The following FRMD4B variants were observed in gnomAD, a reference collection of about 807,000 sequenced individuals.
The protein encoded by FRMD4B is FERM domain containing 4B.
In FRMD4B, 74 loss-of-function variants were observed where a neutral mutation model predicts 141.5. The ratio of observed to expected loss-of-function variants is 0.52; its 90% CI spans 0.43 to 0.63. FRMD4B has a LOEUF of 0.63. FRMD4B is among the 30% of genes least tolerant of loss of function. The pLI, the probability that FRMD4B is intolerant of heterozygous loss-of-function variation, is 0.00. For missense variants in FRMD4B, 1,366 were observed against 1,253.4 expected, an observed-to-expected ratio of 1.09 and a Z score of -1.36; for synonymous variants, 506 against 467.9, an observed-to-expected ratio of 1.08 and a Z score of -1.05.
At chr3:69,325,364 T>C (rs934100395) in intron 1 of FRMD4B, among the ~76,000 whole-genome samples, 7 of 152,230 alleles carry the variant, frequency 4.6e-5, no homozygotes, top group African/African-American at 1.4e-4. Context: ...AGACATTCCC[T>C]GGGGAGGGCA....
intron 2 of FRMD4B, among the ~76,000 whole-genome samples, chr3:69,401,400 G>A (rs1704561462): frequency 6.6e-6 from 1 of 152,166 alleles, no homozygotes; most frequent in Non-Finnish European, 1.5e-5. Flanking sequence ...AAAGATTCCT[G>A]AAGTTTTTTT....
chr3:69,505,177 C>A (rs1706575816), intron 1 of FRMD4B, among the ~76,000 whole-genome samples: 2 of 151,668 alleles, frequency 1.3e-5, no homozygotes, highest in South Asian at 4.2e-4. Context: ...AGAGACCAGC[C>A]TGGGCAAGAT....
At chr3:69,479,852 C>A (rs1021802059) in intron 1 of FRMD4B, among the ~76,000 whole-genome samples, 10 of 152,160 alleles carry the variant, frequency 6.6e-5, no homozygotes, top group Admixed American at 5.2e-4. Context: ...AGCAATCTGA[C>A]GTAGATTTGG....
intron 3 of FRMD4B, among the ~76,000 whole-genome samples, chr3:69,308,450 T>C (rs1034011068): frequency 2.0e-5 from 3 of 151,472 alleles, no homozygotes; most frequent in African/African-American, 7.3e-5. Context: ...TTTTTTTTTT[T>C]TGTTTGGGAC....
chr3:69,272,685 A>G (rs917238532), intron 5 of FRMD4B, among the ~76,000 whole-genome samples: 1 of 152,220 alleles, frequency 6.6e-6, no homozygotes, highest in African/African-American at 2.4e-5. Flanking sequence ...TCTTGGTACG[A>G]CTAAAATTGT....
Position 69,329,351 on chromosome 3 carries a change from T to C in FRMD4B, c.163-15834A>G, listed in dbSNP as rs755805666. Among the ~76,000 whole-genome samples, 30 of 151,954 alleles carry C rather than the reference T, an allele frequency of 2.0e-4. 1 individual carries two copies. The highest frequency in any genetic ancestry group is 1.0e-4 in the Non-Finnish European group (7 of 67,992). ...TGACTATTATAATTTATTTCTTTAT[T>C]TTTATTTTTATGTTTTGAGACAGAG... On this transcript the variant is annotated intron_variant, in intron 1 of 22. Coordinates refer to ENST00000398540, the MANE Select transcript of FRMD4B (RefSeq NM_015123.3).
In FRMD4B at chr3:69,181,175, C is replaced by A; in HGVS notation, c.2575G>T (p.Glu859Ter). 6.2e-7 allele frequency: 1 copy of A among 1,613,998 alleles called. No individual in the cohort carries two copies. Among genetic ancestry groups the A allele is most frequent in the East Asian group, 2.2e-5 (1 of 44,882 alleles). ...TGGGGTACCCGGTCGACCTCATCTTCGTGAAAGGATCTGCTGTAGTCCCTC... is the reference window on the plus strand; with the variant it reads ...TGGGGTACCCGGTCGACCTCATCTTAGTGAAAGGATCTGCTGTAGTCCCTC... Reference protein sequence around the residue: ...RQRDYSRSFHEDEVDRVPHNP... With the variant: ...RQRDYSRSFH Residue 859 changes from glutamate (E) to a stop codon, truncating the protein, a stop_gained, in exon 21 of 23, where the codon GAA becomes TAA. Coordinates refer to ENST00000398540, the MANE Select transcript of FRMD4B (RefSeq NM_015123.3). LOFTEE classifies it high-confidence loss of function.
chr3:69,370,819 C>A (rs1369992780), intron 1 of FRMD4B, among the ~76,000 whole-genome samples: 1 of 152,190 alleles, frequency 6.6e-6, no homozygotes, highest in South Asian at 2.1e-4. Flanking sequence ...GCCTCCTGAC[C>A]GCTCTTATGC....
At chr3:69,414,618 C>T (rs974470283) in intron 2 of FRMD4B, among the ~76,000 whole-genome samples, 8 of 151,872 alleles carry the variant, frequency 5.3e-5, no homozygotes, top group African/African-American at 1.5e-4. Context: ...CTGTTTATTG[C>T]TCCAGGTGAG....
At chr3:69,173,772 C>T (rs1381406529) in intron 22 of FRMD4B, among the ~76,000 whole-genome samples, 1 of 152,152 alleles carries the variant, frequency 6.6e-6, no homozygotes, top group Non-Finnish European at 1.5e-5. Context: ...AATCCATTAA[C>T]TCTACTTATT....
chr3:69,362,909 T>TTTG (rs3032167), intron 1 of FRMD4B, among the ~76,000 whole-genome samples: 45,461 of 151,154 alleles, frequency 0.3, 7,888 homozygotes, highest in Non-Finnish European at 0.39. Context: ...TTTGAATACT[T>TTTG]TTGTTGTTGT....
Position 69,193,833 on chromosome 3 carries a change from T to C in FRMD4B, c.1529A>G (p.Gln510Arg). 2 of 1,613,510 alleles carry C rather than the reference T, an allele frequency of 1.2e-6. No individual in the cohort carries two copies. The highest frequency in any genetic ancestry group is 4.5e-5 in the East Asian group (2 of 44,884). The change falls in exon 17 of 23, where the codon CAA becomes CGA. Residue 510 changes from glutamine to arginine, a missense_variant. Gln to Arg is a conservative substitution (Grantham distance 43). Transcript: ENST00000398540. ...LQELESNFLI[Q>R]QKLVEAAKKL... ...CTTTGCAGCTTCCACCAGCTTTTGT[T>C]GTATTAGAAAATTACTCTCCAGTTC...
At chr3:69,528,371 T>A (rs2107148410) in intron 1 of FRMD4B, among the ~76,000 whole-genome samples, 1 of 151,604 alleles carries the variant, frequency 6.6e-6, no homozygotes. Flanking sequence ...TCTCTCTTTT[T>A]TTTCTTTTTT....
intron 11 of FRMD4B, 149 bp from the exon 12 acceptor site, chr3:69,198,923 A>G: frequency 1.6e-6 from 1 of 614,052 alleles, no homozygotes; most frequent in Admixed American, 2.9e-5. Context: ...TTTACAAATC[A>G]ACTATGACCT....
chr3:69,509,789 C>T (rs1178638493), intron 1 of FRMD4B, among the ~76,000 whole-genome samples: 1 of 151,828 alleles, frequency 6.6e-6, no homozygotes, highest in Admixed American at 6.6e-5. Flanking sequence ...GCCATTTTTC[C>T]AACAGCATGT....
At chr3:69,271,055 T>C (rs1356138024) in intron 5 of FRMD4B, among the ~76,000 whole-genome samples, 5 of 152,236 alleles carry the variant, frequency 3.3e-5, no homozygotes, top group African/African-American at 1.2e-4. Flanking sequence ...GTAGTATTTT[T>C]ATATGACTTT....
chr3:69,542,422 C>G (rs1701203224), exon 1 of FRMD4B: 1 of 152,638 alleles, frequency 6.6e-6, no homozygotes, highest in South Asian at 2.1e-4. Flanking sequence ...GCCCGACTCC[C>G]GGGCTCTCTG....
At chr3:69,496,549 C>A (rs1017016119) in intron 1 of FRMD4B, among the ~76,000 whole-genome samples, 2 of 148,088 alleles carry the variant, frequency 1.4e-5, no homozygotes, top group Non-Finnish European at 3.0e-5. Flanking sequence ...TGTGGACAAT[C>A]ATCTTTCTTA....
intron 1 of FRMD4B, among the ~76,000 whole-genome samples, chr3:69,371,108 G>A (rs1703811887): frequency 7.1e-6 from 1 of 139,866 alleles, no homozygotes; most frequent in South Asian, 2.5e-4. Flanking sequence ...GACATGGTTG[G>A]GAGTCACCTC....
Sources: gnomAD v4.1 joint callset for allele counts (sites outside exome capture counted in the v4.1 genomes callset) on GRCh38, gnomAD v4.1.1 for gene constraint, MANE v1.5 for transcripts, NCBI Gene and HGNC (gene_info 2026-07-23, HGNC 2026-07-21) for gene names.